The following C8orf34 variants were observed in gnomAD, a reference collection of about 807,000 sequenced individuals.
C8orf34 encodes the protein chromosome 8 open reading frame 34.
C8orf34 carries 65 observed loss-of-function variants against 68.3 expected under a neutral mutation model. The observed-to-expected ratio is 0.95, with a 90% CI of 0.78 to 1.17. C8orf34 has a LOEUF of 1.17. Among genes scored for constraint, C8orf34 ranks in the 50% most tolerant of loss-of-function variants. C8orf34 has a pLI of 0.00. For missense variants in C8orf34, 664 were observed against 655.4 expected (o/e 1.01, Z -0.14); for synonymous variants, 244 against 241.2 (o/e 1.01, Z -0.11).
intron 8 of C8orf34, 141 bp downstream of exon 8, chr8:68,640,652 G>A (rs1452906529): frequency 2.4e-6 from 2 of 819,374 alleles, no homozygotes; most frequent in East Asian, 5.5e-5. Context: ...TGGCAAGGGA[G>A]TTAGTTATGC....
At chr8:68,357,526 A>C (rs1296996753) in intron 1 of C8orf34, among the ~76,000 whole-genome samples, 1 of 152,210 alleles carries the variant, frequency 6.6e-6, no homozygotes, top group Non-Finnish European at 1.5e-5. Context: ...CAGTTTTAAA[A>C]AATAATATTC....
At chr8:68,771,707 C>T (rs68094319) in intron 10 of C8orf34, among the ~76,000 whole-genome samples, 43,166 of 151,712 alleles carry the variant, frequency 0.28, 6,553 homozygotes, top group African/African-American at 0.38. Context: ...CTTTCCACTT[C>T]GTCTCCTTCA....
In C8orf34 at chr8:68,640,471, C is replaced by T; in HGVS notation, c.1201C>T (p.Gln401Ter). 1.2e-6 allele frequency: 2 copies of T among 1,613,960 alleles called. No homozygotes were observed. Among genetic ancestry groups the T allele is most frequent in the Non-Finnish European group, 1.7e-6 (2 of 1,179,898 alleles). Residue 401 changes from glutamine to a stop codon, truncating the protein, a stop_gained, in exon 8 of 14, where the codon CAG (glutamine) becomes TAG (stop). Transcript: ENST00000518698. LOFTEE classifies it high-confidence loss of function. ...QGRPTYPAEPQAKVTLNICSR... is the reference protein window; with the variant it reads ...QGRPTYPAEP The stretch of plus-strand genomic sequence containing the variant: ...CCGTCCTACTTACCCTGCTGAGCCT[C>T]AGGCCAAGGTCACACTGAACATCTG...
intron 11 of C8orf34, among the ~76,000 whole-genome samples, chr8:68,786,170 T>C (rs1823838486): frequency 6.6e-6 from 1 of 152,176 alleles, no homozygotes; most frequent in Non-Finnish European, 1.5e-5. Flanking sequence ...ATCATACTGA[T>C]TTTATGTTTT....
At chr8:68,330,953 C>A, upstream of C8orf34, 2 of 1,265,918 alleles carry the variant, frequency 1.6e-6, no homozygotes, top group Non-Finnish European at 2.0e-6. Context: ...TCGAATTTCC[C>A]CACTGCGCCG....
At chr8:68,492,953 C>G (rs908533080) in intron 5 of C8orf34, among the ~76,000 whole-genome samples, 4 of 152,188 alleles carry the variant, frequency 2.6e-5, no homozygotes, top group African/African-American at 7.2e-5. Context: ...GAGGTTACTT[C>G]CAGATGCTGA....
intron 1 of C8orf34, among the ~76,000 whole-genome samples, chr8:68,399,418 C>T (rs78624407): frequency 1.3e-5 from 2 of 152,054 alleles, no homozygotes; most frequent in Non-Finnish European, 2.9e-5. Context: ...CAGTATTTCT[C>T]TTTCTGTTTC....
chr8:68,528,357 C>A (rs975585682), intron 6 of C8orf34, among the ~76,000 whole-genome samples: 14 of 152,178 alleles, frequency 9.2e-5, no homozygotes, highest in African/African-American at 3.4e-4. Flanking sequence ...TAGTTTATTG[C>A]CTCTGACACT....
chr8:68,731,764 CTT>C (rs1281893285), intron 10 of C8orf34, among the ~76,000 whole-genome samples: 1 of 152,194 alleles, frequency 6.6e-6, no homozygotes, highest in African/African-American at 2.4e-5. Flanking sequence ...CAAGTAGCCT[CTT>C]ATTATTCACC....
intron 11 of C8orf34, among the ~76,000 whole-genome samples, chr8:68,784,247 A>C (rs982541985): frequency 1.3e-4 from 20 of 152,198 alleles, no homozygotes; most frequent in African/African-American, 4.3e-4. Context: ...GATATTTTGC[A>C]AATTGTTCCT....
intron 10 of C8orf34, among the ~76,000 whole-genome samples, chr8:68,774,354 A>AT (rs1344573894): frequency 4.5e-5 from 5 of 111,276 alleles, no homozygotes; most frequent in Admixed American, 4.1e-4. Flanking sequence ...TATATAAAAT[A>AT]AACAAAAAAA....
At chr8:68,651,568 T>C (rs1367369197) in intron 8 of C8orf34, among the ~76,000 whole-genome samples, 1 of 152,238 alleles carries the variant, frequency 6.6e-6, no homozygotes, top group East Asian at 1.9e-4. Flanking sequence ...CTGGCCGCTA[T>C]GAAAAAGAAT....
intron 7 of C8orf34, among the ~76,000 whole-genome samples, chr8:68,568,903 C>A (rs577904242): frequency 7.3e-6 from 1 of 136,670 alleles, no homozygotes; most frequent in Non-Finnish European, 1.5e-5. Flanking sequence ...CACAACTCTG[C>A]CATCGTAAAC....
chr8:68,718,039 T>C (rs959938320), intron 9 of C8orf34, among the ~76,000 whole-genome samples: 4 of 152,312 alleles, frequency 2.6e-5, no homozygotes, highest in South Asian at 2.1e-4. Context: ...ACTTATGCCA[T>C]CCTTCCCTGC....
At chr8:68,631,048 T>C (rs970698226) in intron 7 of C8orf34, among the ~76,000 whole-genome samples, 1 of 151,038 alleles carries the variant, frequency 6.6e-6, no homozygotes, top group Admixed American at 6.6e-5. Context: ...GCAGATCACT[T>C]GAGGTCAGGA....
intron 3 of C8orf34, among the ~76,000 whole-genome samples, chr8:68,467,048 C>A (rs1400055176): frequency 6.6e-6 from 1 of 151,860 alleles, no homozygotes; most frequent in African/African-American, 2.4e-5. Context: ...TCACTTTCAC[C>A]TCTTTTAGAT....
At chr8:68,488,957 C>T (rs35502214) in intron 5 of C8orf34, among the ~76,000 whole-genome samples, 5,398 of 150,568 alleles carry the variant, frequency 0.036, 252 homozygotes, top group East Asian at 0.24. Flanking sequence ...GATATCTAAA[C>T]GTTAAAAATT....
intron 10 of C8orf34, among the ~76,000 whole-genome samples, chr8:68,739,872 C>G (rs1209882189): frequency 6.6e-6 from 1 of 152,120 alleles, no homozygotes; most frequent in Non-Finnish European, 1.5e-5. Context: ...TACTATAGGG[C>G]TACAGTAACC....
intron 10 of C8orf34, among the ~76,000 whole-genome samples, chr8:68,774,327 G>GTATCTATATATATATATATATATATATA (rs1332535200): frequency 1.0e-5 from 1 of 96,050 alleles, no homozygotes; most frequent in African/African-American, 4.6e-5. Flanking sequence ...ATATGGGTGT[G>GTATCTATATATATATATATATATATATA]TGTGTATATA....
Sources: allele counts gnomAD v4.1 joint callset (sites outside exome capture counted in the v4.1 genomes callset), GRCh38; gene constraint gnomAD v4.1.1; transcripts MANE v1.5; gene names NCBI Gene and HGNC (gene_info 2026-07-23, HGNC 2026-07-21).